Variants in RERE observed in about 807,000 individuals in gnomAD.
RERE encodes the protein arginine-glutamic acid dipeptide repeats protein.
RERE carries 40 observed loss-of-function variants against 146.1 expected under a neutral mutation model. The ratio of observed to expected loss-of-function variants is 0.27; its 90% CI spans 0.21 to 0.36. RERE has a LOEUF of 0.36. RERE is among the 10% of genes least tolerant of loss of function. RERE has a pLI of 1.00. For missense variants in RERE, 1,933 were observed against 2,138.7 expected (o/e 0.90, Z 1.90); for synonymous variants, 1,003 against 866.0 (o/e 1.16, Z -2.78).
intron 4 of RERE, among the ~76,000 whole-genome samples, chr1:8,575,135 T>C (rs1478155228): frequency 1.3e-5 from 2 of 152,106 alleles, no homozygotes; most frequent in Non-Finnish European, 2.9e-5. Context: ...GCTCAAAGAA[T>C]GTGAAAGACA....
intron 1 of RERE, among the ~76,000 whole-genome samples, chr1:8,717,558 A>T (rs574973603): frequency 6.6e-6 from 1 of 152,360 alleles, no homozygotes; most frequent in African/African-American, 2.4e-5. Context: ...CATACCTTAA[A>T]GGTTATGCTT....
chr1:8,791,066 G>A (rs564895022), intron 1 of RERE, among the ~76,000 whole-genome samples: 1 of 152,232 alleles, frequency 6.6e-6, no homozygotes, highest in East Asian at 1.9e-4. Flanking sequence ...ATACAGAAAG[G>A]TATTTTGGAT....
chr1:8,633,454 GAC>G (rs375248484), intron 2 of RERE, among the ~76,000 whole-genome samples: 2,647 of 150,530 alleles, frequency 0.018, 79 homozygotes, highest in African/African-American at 0.061. Flanking sequence ...CACACACACA[GAC>G]ACACACACAC....
intron 1 of RERE, among the ~76,000 whole-genome samples, chr1:8,761,804 C>T (rs896060401): frequency 1.3e-5 from 2 of 152,102 alleles, no homozygotes; most frequent in African/African-American, 4.8e-5. Context: ...TGCCTGTAAT[C>T]CCAGCTACTC....
In RERE at chr1:8,364,871, G is replaced by T. The variant is rs1557590607; in HGVS notation, c.1448-33C>A. ...TGGCAGGCACATAGTGGGGGTGGGGGAGACACCATCATGCTCAGCCAAGGC... is the reference window on the plus strand; with the variant it reads ...TGGCAGGCACATAGTGGGGGTGGGGTAGACACCATCATGCTCAGCCAAGGC... On this transcript the variant is annotated intron_variant, in intron 13 of 22. Transcript: ENST00000400908. The surrounding 1 kb of genome is among the most constrained non-coding windows in gnomAD (Gnocchi z 5.1). 9.1e-6 allele frequency: 10 copies of T among 1,101,708 alleles called. No homozygotes were observed. The highest frequency in any genetic ancestry group is 2.4e-4 in the Middle Eastern group (1 of 4,178). The allele number at this position is 1,101,708 out of a possible 1,614,324, so 68.2% of individuals were successfully genotyped here.
intron 12 of RERE, among the ~76,000 whole-genome samples, chr1:8,371,900 G>A (rs923148546): frequency 1.3e-5 from 2 of 152,232 alleles, no homozygotes; most frequent in Non-Finnish European, 2.9e-5. Flanking sequence ...GTGCCCCTGT[G>A]TATGTGCATG....
intron 1 of RERE, among the ~76,000 whole-genome samples, chr1:8,763,811 C>T (rs1053698075): frequency 9.9e-5 from 15 of 151,764 alleles, no homozygotes; most frequent in Admixed American, 5.3e-4. Flanking sequence ...TGGTGGCATG[C>T]GCACCTGTAG....
At chr1:8,706,321 G>A (rs1208964169) in intron 1 of RERE, among the ~76,000 whole-genome samples, 1 of 151,974 alleles carries the variant, frequency 6.6e-6, no homozygotes, top group Non-Finnish European at 1.5e-5. Context: ...TAGTAAAAAG[G>A]AGGATTTTTA....
chr1:8,814,161 G>A (rs1641866834), intron 1 of RERE, among the ~76,000 whole-genome samples: 1 of 152,150 alleles, frequency 6.6e-6, no homozygotes, highest in South Asian at 2.1e-4. Flanking sequence ...CAACTTTAGA[G>A]ATTACTCTTG....
intron 1 of RERE, among the ~76,000 whole-genome samples, chr1:8,705,677 T>C (rs2124447673): frequency 6.6e-6 from 1 of 152,326 alleles, no homozygotes. Flanking sequence ...TTGCTCATCA[T>C]GTAGATTTAT....
chr1:8,786,335 C>T, intron 1 of RERE: 1 of 873,744 alleles, frequency 1.1e-6, no homozygotes, highest in South Asian at 1.3e-5. Flanking sequence ...TTATTTGCTT[C>T]TTTAAAGCGT....
In RERE at chr1:8,361,036, G is replaced by A. The variant is rs200831808; in HGVS notation, c.2471C>T (p.Pro824Leu). 1,324 of 1,438,802 alleles carry A rather than the reference G, an allele frequency of 9.2e-4. 9 individuals are homozygous for A. Among genetic ancestry groups the A allele is most frequent in the Non-Finnish European group, 4.4e-4 (482 of 1,101,792 alleles). 89.1% of individuals were successfully genotyped at this position (1,438,802 alleles called of 1,614,324 possible). A position where few individuals can be genotyped will look rare whatever the true frequency, so the allele number is the denominator to read the frequency against. Residue 824 changes from proline to leucine, a missense_variant, in exon 18 of 23, where the codon CCC becomes CTC. Coordinates refer to ENST00000400908, the MANE Select transcript of RERE (RefSeq NM_001042681.2). ...CGACCCAGTCAGAGGCTGCAGCGGG[G>A]GATGTGGCGAGGGATGCGGCGGGGG... ...PHPPPHPSPH[P>L]PLQPLTGSAG...
intron 4 of RERE, among the ~76,000 whole-genome samples, chr1:8,597,913 A>G (rs1570487058): frequency 6.6e-6 from 1 of 152,138 alleles, no homozygotes; most frequent in East Asian, 1.9e-4. Context: ...TTCCTTAAGA[A>G]ATAGCAGGAA....
Position 8,423,404 on chromosome 1 carries a change from AGCACCCCTTCC to A in RERE, c.1204-608_1204-598del, listed in dbSNP as rs1643944288. Reference sequence around the variant, plus strand: ...CACTCCGAGACACCAGAGAATAACCAGCACCCCTTCCGCCCTCCCGACGCCACTCGCCGCCC... The same window carrying A: ...CACTCCGAGACACCAGAGAATAACCAGCCCTCCCGACGCCACTCGCCGCCC... On this transcript the variant is annotated intron_variant, in intron 11 of 22. Coordinates refer to ENST00000400908, the MANE Select transcript of RERE (RefSeq NM_001042681.2). The surrounding 1 kb of genome is among the most constrained non-coding windows in gnomAD (Gnocchi z 5.4). 1 of 329,728 alleles carries A rather than the reference AGCACCCCTTCC, an allele frequency of 3.0e-6. No homozygotes were observed. The highest frequency in any genetic ancestry group is 2.2e-5 in the African/African-American group (1 of 44,604). The allele number at this position is 329,728 out of a possible 1,614,324, so 20.4% of individuals were successfully genotyped here. A position where few individuals can be genotyped will look rare whatever the true frequency, so the allele number is the denominator to read the frequency against.
intron 12 of RERE, among the ~76,000 whole-genome samples, chr1:8,369,331 C>G (rs183337668): frequency 5.3e-5 from 8 of 151,918 alleles, no homozygotes; most frequent in Admixed American, 4.6e-4. Flanking sequence ...TCTCTGCCAA[C>G]AAGTGAAAAA....
intron 6 of RERE, among the ~76,000 whole-genome samples, chr1:8,553,392 G>A (rs1222788739): frequency 2.7e-5 from 4 of 148,576 alleles, no homozygotes; most frequent in East Asian, 2.1e-4. Context: ...AGGCCAGCGC[G>A]TCCACATGCA....
rs1570048213 is a variant in RERE, at chr1:8,364,052, T to C, written c.1740+4A>G. On this transcript the variant is annotated splice_donor_region_variant and intron_variant, in intron 15 of 22. Transcript: ENST00000400908. This position sits in a 1 kb window ranked among gnomAD's most constrained non-coding sequence, Gnocchi z 5.1. ...CAGGAGCCCCATGGCCCCAGGGGAC[T>C]CACCGAGCCCCGACTCCGCCGTGTC... The C allele has an allele frequency of 6.2e-7, 1 of 1,613,774 alleles. No homozygotes were observed. Among genetic ancestry groups the C allele is most frequent in the Non-Finnish European group, 8.5e-7 (1 of 1,179,788 alleles).
chr1:8,516,227 G>GGAAAAAAAAAAAAAAAAAAAAAA lies in RERE; in HGVS notation c.831-7553_831-7552insTTTTTTTTTTTTTTTTTTTTTTC, dbSNP rs573135224. Among the ~76,000 whole-genome samples, 26 of 52,308 alleles carry GGAAAAAAAAAAAAAAAAAAAAAA rather than the reference G, an allele frequency of 5.0e-4. 4 individuals are homozygous for GGAAAAAAAAAAAAAAAAAAAAAA. Among genetic ancestry groups the GGAAAAAAAAAAAAAAAAAAAAAA allele is most frequent in the African/African-American group, 2.0e-3 (23 of 11,628 alleles). The allele number at this position is 52,308 out of a possible 152,430, so 34.3% of individuals were successfully genotyped here. On this transcript the variant is annotated intron_variant, in intron 7 of 22. Transcript: ENST00000400908. ...GGGACGGAGCAAGACTCTCTCAGAG[G>GGAAAAAAAAAAAAAAAAAAAAAA]AAAAAAAAAAAAAAAAAAAAAATCT...
At chr1:8,442,473 C>T (rs1409232799) in intron 11 of RERE, among the ~76,000 whole-genome samples, 2 of 152,020 alleles carry the variant, frequency 1.3e-5, no homozygotes, top group South Asian at 2.1e-4. Flanking sequence ...GCTCCTACTT[C>T]GTTTTCTACC....
Sources: gnomAD v4.1 joint callset for allele counts (sites outside exome capture counted in the v4.1 genomes callset) on GRCh38, gnomAD v4.1.1 for gene constraint, Gnocchi (gnomAD v3.1) non-coding constraint, MANE v1.5 for transcripts, NCBI Gene and HGNC (gene_info 2026-07-23, HGNC 2026-07-21) for gene names.